Variants in RBM47 observed in about 807,000 individuals in gnomAD.
The protein encoded by RBM47 is RNA binding motif protein 47, also known as RNA-binding protein 47.
RBM47 carries 21 observed loss-of-function variants against 47.1 expected under a neutral mutation model. The observed-to-expected ratio is 0.45, with a 90% CI of 0.32 to 0.64. The LOEUF (loss-of-function observed/expected upper bound fraction) is 0.64, where lower values mean the gene tolerates loss of function less well. Ranked by LOEUF, RBM47 falls within the 30% of genes least tolerant of loss-of-function variation. The pLI, the probability that RBM47 is intolerant of heterozygous loss-of-function variation, is 0.05. For missense variants in RBM47, 708 were observed against 870.9 expected, an observed-to-expected ratio of 0.81 and a Z score of 2.35; for synonymous variants, 375 against 361.7, an observed-to-expected ratio of 1.04 and a Z score of -0.42.
intron 1 of RBM47, among the ~76,000 whole-genome samples, chr4:40,580,957 T>A (rs375600520): frequency 1.3e-5 from 2 of 152,222 alleles, no homozygotes; most frequent in South Asian, 4.1e-4. Context: ...AAACGCCCCA[T>A]GGCGGGAACA....
At chr4:40,490,760 GA>G (rs1193055198) in intron 2 of RBM47, among the ~76,000 whole-genome samples, 2 of 151,278 alleles carry the variant, frequency 1.3e-5, no homozygotes, top group African/African-American at 4.9e-5. Flanking sequence ...AAAAAAGAGA[GA>G]AAAAAAATCT....
chr4:40,476,096 C>T (rs1282859252), intron 2 of RBM47, among the ~76,000 whole-genome samples: 4 of 152,114 alleles, frequency 2.6e-5, no homozygotes, highest in East Asian at 3.9e-4. Flanking sequence ...AGTCCACCAT[C>T]CTAGAACCAG....
chr4:40,607,445 G>A (rs1407234362), intron 1 of RBM47, among the ~76,000 whole-genome samples: 1 of 152,166 alleles, frequency 6.6e-6, no homozygotes. Context: ...GGTGATTCAT[G>A]CCTGTAATCC....
chr4:40,590,496 T>C (rs1218798152), intron 1 of RBM47, among the ~76,000 whole-genome samples: 1 of 152,198 alleles, frequency 6.6e-6, no homozygotes, highest in Non-Finnish European at 1.5e-5. Context: ...AACTCTCTAT[T>C]TGCAACCTCT....
intron 2 of RBM47, among the ~76,000 whole-genome samples, chr4:40,532,806 A>G (rs1288656167): frequency 1.3e-5 from 2 of 152,220 alleles, no homozygotes; most frequent in Non-Finnish European, 2.9e-5. Context: ...TAAAGTGAAC[A>G]TCACATATAA....
chr4:40,577,835 C>T (rs968454976), intron 1 of RBM47, among the ~76,000 whole-genome samples: 13 of 151,986 alleles, frequency 8.6e-5, no homozygotes, highest in African/African-American at 2.9e-4. Flanking sequence ...GTGAAGAAAC[C>T]AACAAACTGT....
rs1430789291 is a variant in RBM47 at position 40,425,770 on chromosome 4, A to G, written c.*134T>C. ...AGTGAAAACTTCATGTATATAAAATAATTCAGAAATAAATCTGCTAACATT... is the reference window on the plus strand; with the variant it reads ...AGTGAAAACTTCATGTATATAAAATGATTCAGAAATAAATCTGCTAACATT... On this transcript the variant is annotated 3_prime_UTR_variant, in exon 7 of 7. Coordinates refer to ENST00000295971, the MANE Select transcript of RBM47 (RefSeq NM_001098634.2). The G allele has an allele frequency of 1.7e-5, 22 of 1,316,592 alleles. No individual in the cohort carries two copies. The South Asian group carries it at 2.1e-4, about 12-fold the overall frequency. The allele number at this position is 1,316,592 out of a possible 1,614,324, so 81.6% of individuals were successfully genotyped here. A position where few individuals can be genotyped will look rare whatever the true frequency, so the allele number is the denominator to read the frequency against.
chr4:40,607,117 G>A (rs914171932), intron 1 of RBM47, among the ~76,000 whole-genome samples: 2 of 152,118 alleles, frequency 1.3e-5, no homozygotes, highest in African/African-American at 4.8e-5. Flanking sequence ...ATCAACTGAT[G>A]AATGGATGAA....
chr4:40,591,064 A>T (rs1429526376), intron 1 of RBM47, among the ~76,000 whole-genome samples: 1 of 152,180 alleles, frequency 6.6e-6, no homozygotes, highest in African/African-American at 2.4e-5. Context: ...CGGCCTCCCA[A>T]AGTGCTAGGA....
At chr4:40,549,533 T>C (rs891126589) in intron 1 of RBM47, among the ~76,000 whole-genome samples, 2 of 151,128 alleles carry the variant, frequency 1.3e-5, no homozygotes. Flanking sequence ...CGTTTTTTTT[T>C]TTTTTTTGAG....
intron 1 of RBM47, among the ~76,000 whole-genome samples, chr4:40,620,405 T>A (rs988157836): frequency 1.3e-5 from 2 of 151,626 alleles, no homozygotes; most frequent in African/African-American, 4.8e-5. Flanking sequence ...GCCAGGAGGC[T>A]GAGGCAGGAG....
At chr4:40,593,907 G>A (rs1462837575) in intron 1 of RBM47, among the ~76,000 whole-genome samples, 2 of 145,594 alleles carry the variant, frequency 1.4e-5, no homozygotes, top group African/African-American at 5.1e-5. Flanking sequence ...AAAATTAGCC[G>A]GACGTGGTGG....
At chr4:40,430,289 T>A (rs761662373) in intron 6 of RBM47, among the ~76,000 whole-genome samples, 1 of 151,368 alleles carries the variant, frequency 6.6e-6, no homozygotes, top group Non-Finnish European at 1.5e-5. Context: ...TGCGGACTGA[T>A]AGGAGACAGA....
chr4:40,528,660 G>C (rs1375584557), intron 2 of RBM47, among the ~76,000 whole-genome samples: 1 of 152,128 alleles, frequency 6.6e-6, no homozygotes. Context: ...AGCTACTTGG[G>C]AGGCAAAGGC....
At chr4:40,556,103 T>G (rs1397095008) in intron 1 of RBM47, among the ~76,000 whole-genome samples, 1 of 151,626 alleles carries the variant, frequency 6.6e-6, no homozygotes, top group Non-Finnish European at 1.5e-5. Context: ...TGGCGTGATC[T>G]TGGCTCACTG....
In RBM47 at chr4:40,607,422, T is replaced by C. The variant is rs543685827; in HGVS notation, c.-240+21974A>G. 2.6e-5 allele frequency among the ~76,000 whole-genome samples: 4 copies of C among 152,252 alleles called. No individual in the cohort carries two copies. The East Asian group carries it at 7.7e-4, about 29-fold the overall frequency. ...CTGGGATAATGAAAATATTCTGGAA[T>C]AGGGCGGAGCATGGTGATTCATGCC... is the stretch of plus-strand genomic sequence containing the variant. On this transcript the variant is annotated intron_variant, in intron 1 of 6. Transcript: ENST00000295971.
At position 40,424,232 on chromosome 4, in the gene RBM47, T is replaced by C. The variant is rs1263129337; in HGVS notation, c.*1672A>G. The C allele has an allele frequency of 1.3e-5, 2 of 152,556 alleles. No homozygotes were observed. Among genetic ancestry groups the C allele is most frequent in the Non-Finnish European group, 2.9e-5 (2 of 68,034 alleles). The allele number at this position is 152,556 out of a possible 1,614,324, so 9.5% of individuals were successfully genotyped here. A position where few individuals can be genotyped will look rare whatever the true frequency, so the allele number is the denominator to read the frequency against. On this transcript the variant is annotated 3_prime_UTR_variant, in exon 7 of 7. Coordinates refer to ENST00000295971, the MANE Select transcript of RBM47 (RefSeq NM_001098634.2). ...CAAAAATCCCGTGAGTGGAAAATTG[T>C]ATGGATCTCTAACATGACATAAAAA...
chr4:40,478,748 A>C (rs1022617739), intron 2 of RBM47, among the ~76,000 whole-genome samples: 1 of 152,218 alleles, frequency 6.6e-6, no homozygotes, highest in African/African-American at 2.4e-5. Flanking sequence ...TTGGCCTCTC[A>C]AAATGCTGAG....
chr4:40,489,787 C>A (rs1721606075), intron 2 of RBM47, among the ~76,000 whole-genome samples: 1 of 152,158 alleles, frequency 6.6e-6, no homozygotes, highest in Non-Finnish European at 1.5e-5. Context: ...TTCCAAAAAA[C>A]AGAAGGGACT....
Sources: gnomAD v4.1 joint callset for allele counts (sites outside exome capture counted in the v4.1 genomes callset) on GRCh38, gnomAD v4.1.1 for gene constraint, MANE v1.5 for transcripts, NCBI Gene and HGNC (gene_info 2026-07-23, HGNC 2026-07-21) for gene names.